The following EHMT1 variants were observed in gnomAD, a reference collection of about 807,000 sequenced individuals.
EHMT1 encodes the protein histone-lysine N-methyltransferase EHMT1.
Under a neutral mutation model 147.2 loss-of-function variants are expected in EHMT1, and 15 were observed. The observed-to-expected ratio is 0.10, with a 90% confidence interval of 0.07 to 0.16. The LOEUF (loss-of-function observed/expected upper bound fraction) is 0.16. Among genes scored for constraint, EHMT1 ranks in the 10% least tolerant of loss-of-function variants. The pLI, the probability that EHMT1 is intolerant of heterozygous loss-of-function variation, is 1.00. For missense variants in EHMT1, 1,587 were observed against 1,772.4 expected, an observed-to-expected ratio of 0.90 and a Z score of 1.88; for synonymous variants, 795 against 709.6, an observed-to-expected ratio of 1.12 and a Z score of -1.91.
intron 1 of EHMT1, among the ~76,000 whole-genome samples, chr9:137,669,640 T>C (rs545893003): frequency 6.6e-6 from 1 of 151,404 alleles, no homozygotes; most frequent in African/African-American, 2.4e-5. Flanking sequence ...CCACCTTCAC[T>C]TTTTGCTCTC....
intron 1 of EHMT1, among the ~76,000 whole-genome samples, chr9:137,704,093 A>G (rs1373680887): frequency 6.6e-6 from 1 of 152,160 alleles, no homozygotes; most frequent in East Asian, 1.9e-4. Flanking sequence ...TCCAACAACC[A>G]GATCTTGTGA....
In EHMT1 at chr9:137,716,971, C is replaced by T; in HGVS notation, c.431C>T (p.Ala144Val). 2 of 1,611,200 alleles carry T rather than the reference C, an allele frequency of 1.2e-6. No individual in the cohort carries two copies. The highest frequency in any genetic ancestry group is 1.7e-6 in the Non-Finnish European group (2 of 1,178,346). ...CCCTTGAGGACTACCAGCACTCTGG[C>T]CTCTTCGCTGCCTGGCCATGCTGCA... is the stretch of plus-strand genomic sequence containing the variant. ...AQPLRTTSTL[A>V]SSLPGHAAKT... The change falls in exon 3 of 27, where the codon GCC becomes GTC. Residue 144 changes from alanine to valine, a missense_variant. Physicochemically the swap from Ala to Val is moderately conservative, Grantham distance 64. Transcript: ENST00000460843.
intron 1 of EHMT1, among the ~76,000 whole-genome samples, chr9:137,671,404 C>T (rs1323390259): frequency 6.6e-6 from 1 of 151,424 alleles, no homozygotes; most frequent in Non-Finnish European, 1.5e-5. Flanking sequence ...ATGATTAACG[C>T]TTATCACTTA....
intron 1 of EHMT1, among the ~76,000 whole-genome samples, chr9:137,709,466 G>A: frequency 6.6e-6 from 1 of 152,194 alleles, no homozygotes; most frequent in East Asian, 1.9e-4. Flanking sequence ...GGAGGGTGAT[G>A]CAGTTAGGTC....
chr9:137,710,655 A>G (rs1434920399), intron 1 of EHMT1, among the ~76,000 whole-genome samples: 1 of 152,246 alleles, frequency 6.6e-6, no homozygotes, highest in Non-Finnish European at 1.5e-5. Flanking sequence ...TTTGAAATAA[A>G]TTGTAACACT....
chr9:137,712,630 T>C (rs1330988849), intron 2 of EHMT1, among the ~76,000 whole-genome samples: 1 of 152,186 alleles, frequency 6.6e-6, no homozygotes, highest in Non-Finnish European at 1.5e-5. Context: ...TTGGATTGAT[T>C]TTTATTGTTG....
Position 137,728,499 on chromosome 9 carries a change from T to C in EHMT1, c.793T>C (p.Cys265Arg). Reference sequence around the variant, plus strand: ...TCATCAGTCGCTACCTCAGAACCAGTGCTACATGGCCACCACAAAATCACA... The same window carrying C: ...TCATCAGTCGCTACCTCAGAACCAGCGCTACATGGCCACCACAAAATCACA... ...SLHQSLPQNQ[C>R]YMATTKSQTA... The change falls in exon 4 of 27, where the codon TGC becomes CGC. Residue 265 changes from cysteine to arginine, a missense_variant. Physicochemically the swap from Cys to Arg is radical, Grantham distance 180. Coordinates refer to ENST00000460843, the MANE Select transcript of EHMT1 (RefSeq NM_024757.5). 1 of 1,614,146 alleles carries C rather than the reference T, an allele frequency of 6.2e-7. No individual in the cohort carries two copies. Among genetic ancestry groups the C allele is most frequent in the Non-Finnish European group, 8.5e-7 (1 of 1,180,018 alleles).
At position 137,784,002 on chromosome 9, in the gene EHMT1, A is replaced by C. The variant is rs12237696; in HGVS notation, c.2382+1605A>C. On this transcript the variant is annotated intron_variant, in intron 15 of 26. Transcript: ENST00000460843. Reference sequence around the variant, plus strand: ...GTCCTTTATTTATACCTAATGTCTTATATTGTAGTTTTAATTTCTAGCTGT... The same window carrying C: ...GTCCTTTATTTATACCTAATGTCTTCTATTGTAGTTTTAATTTCTAGCTGT... 6.1e-5 allele frequency: 35 copies of C among 569,374 alleles called. No individual in the cohort carries two copies. In the East Asian group the frequency reaches 9.1e-4, roughly 15 times the overall value. The allele number at this position is 569,374 out of a possible 1,614,324, so 35.3% of individuals were successfully genotyped here.
chr9:137,794,620 C>T (rs1025752737), intron 16 of EHMT1, among the ~76,000 whole-genome samples: 3 of 150,528 alleles, frequency 2.0e-5, no homozygotes, highest in African/African-American at 7.4e-5. Context: ...GCACTTTAGC[C>T]CGGGCGACAG....
rs7030535 is a variant in EHMT1 at position 137,831,869 on chromosome 9, G to A, written c.3541-2480G>A. Among the ~76,000 whole-genome samples, 7 of 152,258 alleles carry A rather than the reference G, an allele frequency of 4.6e-5. No homozygotes were observed. In the South Asian group the frequency reaches 8.3e-4, roughly 18 times the overall value. The stretch of plus-strand genomic sequence containing the variant: ...TTGGCTGGGCCCCTTCTGCAGGCCC[G>A]GCCTCTCTAGTGGTCCCTGTGCTTT... On this transcript the variant is annotated intron_variant, in intron 25 of 26. Transcript: ENST00000460843.
rs753928723 is a variant in EHMT1, at chr9:137,778,050, G to A, written c.2187G>A (p.Ser729=). The A allele has an allele frequency of 7.4e-6, 12 of 1,613,698 alleles. No homozygotes were observed. The highest frequency in any genetic ancestry group is 5.5e-5 in the South Asian group (5 of 91,064). ...TLESALIALD[S]EKPKKLRFHP... is the part of the protein sequence containing the mutation. ...AGAGCGCTCTCATCGCCCTCGACTCGGAAAAGTAAGACCTGACATGTGATT... is the reference window on the plus strand; with the variant it reads ...AGAGCGCTCTCATCGCCCTCGACTCAGAAAAGTAAGACCTGACATGTGATT... The change falls in exon 13 of 27, where the codon TCG becomes TCA. Residue 729 remains serine, a synonymous_variant. Transcript: ENST00000460843.
intron 1 of EHMT1, among the ~76,000 whole-genome samples, chr9:137,670,061 T>C (rs1940379839): frequency 6.6e-6 from 1 of 152,098 alleles, no homozygotes; most frequent in Non-Finnish European, 1.5e-5. Context: ...GGTTTCACCT[T>C]GTTGGCCAGG....
chr9:137,668,296 T>C lies in EHMT1; in HGVS notation c.22-42671T>C, dbSNP rs114350869. Among the ~76,000 whole-genome samples, 986 of 151,130 alleles carry C rather than the reference T, an allele frequency of 6.5e-3. 14 individuals are homozygous for C. The highest frequency in any genetic ancestry group is 0.023 in the African/African-American group (933 of 41,308). On this transcript the variant is annotated intron_variant, in intron 1 of 26. Coordinates refer to ENST00000460843, the MANE Select transcript of EHMT1 (RefSeq NM_024757.5). The stretch of plus-strand genomic sequence containing the variant: ...CTCCTGTTTTCTTCCTCTTCCTCCA[T>C]TCTCCTTCCTCTCCCTTCTATTCAC...
At chr9:137,680,953 T>G (rs1374714338) in intron 1 of EHMT1, 3 of 152,322 alleles carry the variant, frequency 2.0e-5, no homozygotes, top group African/African-American at 7.2e-5. Context: ...GGGTCTTGTC[T>G]GCATTATCTG....
chr9:137,830,853 T>TC (rs1191761030), intron 25 of EHMT1, among the ~76,000 whole-genome samples: 2 of 152,232 alleles, frequency 1.3e-5, no homozygotes, highest in Non-Finnish European at 2.9e-5. Context: ...CTTGCTTCTC[T>TC]CCATGTTCTC....
chr9:137,705,787 G>A (rs959273294), intron 1 of EHMT1, among the ~76,000 whole-genome samples: 8 of 152,202 alleles, frequency 5.3e-5, no homozygotes, highest in Non-Finnish European at 4.4e-5. Context: ...GAGGTTGGGG[G>A]ATGGCCCTAG....
In EHMT1 at chr9:137,721,235, A is replaced by G. The variant is rs1190432528; in HGVS notation, c.642+4053A>G. Among the ~76,000 whole-genome samples the G allele has an allele frequency of 4.2e-4, 58 of 138,952 alleles. No homozygotes were observed. In the South Asian group the frequency reaches 0.014, roughly 34 times the overall value. The allele number at this position is 138,952 out of a possible 152,430, so 91.2% of individuals were successfully genotyped here. A position where few individuals can be genotyped will look rare whatever the true frequency, so the allele number is the denominator to read the frequency against. On this transcript the variant is annotated intron_variant, in intron 3 of 26. Transcript: ENST00000460843. ...GACTTCTCACACTCACCCCTCCCAGACTTCTCACACTCGCCCCCTCCCAGA... is the reference window on the plus strand; with the variant it reads ...GACTTCTCACACTCACCCCTCCCAGGCTTCTCACACTCGCCCCCTCCCAGA...
chr9:137,802,862 C>T (rs974879940), intron 18 of EHMT1: 306 of 1,231,910 alleles, frequency 2.5e-4, no homozygotes, highest in Non-Finnish European at 2.9e-4. Context: ...GTTAGGATGA[C>T]GGCACCATGA....
chr9:137,811,018 C>T (rs538905030), intron 18 of EHMT1, among the ~76,000 whole-genome samples: 29 of 152,162 alleles, frequency 1.9e-4, no homozygotes, highest in African/African-American at 5.8e-4. Flanking sequence ...TTAATTTAAT[C>T]AAATTTGCAC....
Sources: allele counts gnomAD v4.1 joint callset (sites outside exome capture counted in the v4.1 genomes callset), GRCh38; gene constraint gnomAD v4.1.1; transcripts MANE v1.5; gene names NCBI Gene and HGNC (gene_info 2026-07-23, HGNC 2026-07-21).